Variants in PSD3 observed in about 807,000 individuals in gnomAD.
PSD3 encodes pleckstrin and Sec7 domain containing 3, also known as PH and SEC7 domain-containing protein 3.
In PSD3, 49 loss-of-function variants were observed where a neutral mutation model predicts 105.5. The observed-to-expected ratio is 0.46, with a 90% CI of 0.37 to 0.59. PSD3 has a LOEUF of 0.59. Among genes scored for constraint, PSD3 ranks in the 20% least tolerant of loss-of-function variants. The pLI is 0.00. For missense variants in PSD3, 1,561 were observed against 1,263.8 expected, an observed-to-expected ratio of 1.24 and a Z score of -3.57; for synonymous variants, 557 against 457.8, an observed-to-expected ratio of 1.22 and a Z score of -2.77.
chr8:18,871,580 A>ATATG, intron 3 of PSD3, 46 bp downstream of exon 3: 1 of 1,536,108 alleles, frequency 6.5e-7, no homozygotes, highest in Non-Finnish European at 8.7e-7. Context: ...GTTTTCTATG[A>ATATG]TATGTACCAG....
chr8:18,843,731 G>C (rs6586776), intron 4 of PSD3, among the ~76,000 whole-genome samples: 1,619 of 152,184 alleles, frequency 0.011, 31 homozygotes, highest in African/African-American at 0.036. Flanking sequence ...CAAAAGCATG[G>C]TAAAATAGAG....
At chr8:18,891,543 T>C (rs1818783087) in intron 2 of PSD3, among the ~76,000 whole-genome samples, 1 of 152,190 alleles carries the variant, frequency 6.6e-6, no homozygotes, top group African/African-American at 2.4e-5. Context: ...AGCAGTGATC[T>C]GAACATCACT....
chr8:19,008,610 G>A (rs1252386085), intron 1 of PSD3, among the ~76,000 whole-genome samples: 2 of 152,176 alleles, frequency 1.3e-5, no homozygotes, highest in African/African-American at 4.8e-5. Context: ...CATATACAGA[G>A]AAAAGCAGTT....
chr8:19,001,205 C>A (rs1826365512), intron 1 of PSD3, among the ~76,000 whole-genome samples: 1 of 151,702 alleles, frequency 6.6e-6, no homozygotes, highest in South Asian at 2.1e-4. Context: ...AGCAATCCTC[C>A]CTCCTCAGTC....
chr8:18,756,085 C>T (rs1806022833), intron 9 of PSD3, among the ~76,000 whole-genome samples: 1 of 152,160 alleles, frequency 6.6e-6, no homozygotes, highest in Non-Finnish European at 1.5e-5. Flanking sequence ...TAGCTTTTCT[C>T]TTAAAAGGCT....
chr8:18,655,052 G>T (rs1808788100), intron 10 of PSD3, among the ~76,000 whole-genome samples: 1 of 152,022 alleles, frequency 6.6e-6, no homozygotes, highest in Non-Finnish European at 1.5e-5. Context: ...GGCCGGGCGT[G>T]GTCGCTCACT....
chr8:18,828,320 T>C (rs1030864256), intron 4 of PSD3, among the ~76,000 whole-genome samples: 12 of 151,972 alleles, frequency 7.9e-5, no homozygotes, highest in African/African-American at 2.9e-4. Context: ...TGCTGGTTCT[T>C]CCATTGAAGG....
At chr8:18,989,883 C>T (rs1472197760) in intron 1 of PSD3, among the ~76,000 whole-genome samples, 1 of 152,130 alleles carries the variant, frequency 6.6e-6, no homozygotes, top group East Asian at 1.9e-4. Context: ...ATCTAAGAAG[C>T]TTATAGTCTA....
At chr8:18,635,788 A>C (rs1807205079) in intron 10 of PSD3, among the ~76,000 whole-genome samples, 1 of 152,118 alleles carries the variant, frequency 6.6e-6, no homozygotes, top group Non-Finnish European at 1.5e-5. Flanking sequence ...ACACGAATAG[A>C]AAACCAAACA....
intron 2 of PSD3, among the ~76,000 whole-genome samples, chr8:18,903,771 T>A (rs1270271462): frequency 6.6e-6 from 1 of 152,094 alleles, no homozygotes; most frequent in Non-Finnish European, 1.5e-5. Flanking sequence ...TGCTTCAGCT[T>A]AGGTACTAGG....
At chr8:18,671,624 G>A (rs536457001) in intron 9 of PSD3, among the ~76,000 whole-genome samples, 1 of 150,216 alleles carries the variant, frequency 6.7e-6, no homozygotes, top group South Asian at 2.1e-4. Flanking sequence ...TCCTGATTTT[G>A]TTTTTTTGTT....
Position 19,059,661 on chromosome 8 carries a change from G to A in PSD3, c.324+24545C>T, listed in dbSNP as rs367613039. Among the ~76,000 whole-genome samples, 20 of 152,320 alleles carry A rather than the reference G, an allele frequency of 1.3e-4. No individual in the cohort carries two copies. The South Asian group carries it at 2.7e-3, about 21-fold the overall frequency. On this transcript the variant is annotated intron_variant, in intron 1 of 1. Transcript: ENST00000521475. ...GTCAAGAAATTTAAAAAATTTCTACGTCTGTAAAGCACTGAGTTGAGACCT... is the reference window on the plus strand; with the variant it reads ...GTCAAGAAATTTAAAAAATTTCTACATCTGTAAAGCACTGAGTTGAGACCT...
Position 18,632,754 on chromosome 8 carries a change from T to A in PSD3, c.2269A>T (p.Asn757Tyr). Residue 757 changes from asparagine (N) to tyrosine (Y), a missense_variant, in exon 11 of 16, where the codon AAC becomes TAC. Physicochemically the swap from Asn to Tyr is moderately radical, Grantham distance 143. Transcript: ENST00000327040. Reference sequence around the variant, plus strand: ...CTGATGGTCTTTGGATGTGTTCCGTTAGCTTTCTCCTCAGTACTTTCTGAG... The same window carrying A: ...CTGATGGTCTTTGGATGTGTTCCGTAAGCTTTCTCCTCAGTACTTTCTGAG... Reference protein sequence around the residue: ...SPSESTEEKANGTHPKTISRI... With the variant: ...SPSESTEEKAYGTHPKTISRI... 1 of 1,606,412 alleles carries A rather than the reference T, an allele frequency of 6.2e-7. No homozygotes were observed. The highest frequency in any genetic ancestry group is 8.5e-7 in the Non-Finnish European group (1 of 1,173,652).
intron 11 of PSD3, among the ~76,000 whole-genome samples, chr8:18,629,690 C>G (rs373839250): frequency 6.6e-6 from 1 of 151,866 alleles, no homozygotes; most frequent in African/African-American, 2.4e-5. Flanking sequence ...CTGTCATAAC[C>G]GTCATAGGAT....
intron 2 of PSD3, among the ~76,000 whole-genome samples, chr8:18,873,669 T>G (rs1817538338): frequency 6.6e-6 from 1 of 152,154 alleles, no homozygotes; most frequent in African/African-American, 2.4e-5. Context: ...ACAACAGACC[T>G]CCTGAATTTA....
intron 1 of PSD3, among the ~76,000 whole-genome samples, chr8:19,029,108 T>C (rs1827668355): frequency 6.6e-6 from 1 of 152,190 alleles, no homozygotes; most frequent in Admixed American, 6.5e-5. Context: ...ATTCTAAATT[T>C]GTTCTCCAGT....
chr8:18,899,997 A>AC (rs1396949714), intron 2 of PSD3, among the ~76,000 whole-genome samples: 5 of 151,070 alleles, frequency 3.3e-5, no homozygotes, highest in Non-Finnish European at 5.9e-5. Context: ...GAAAGGGGGC[A>AC]CTTTTTTTCT....
chr8:18,773,507 G>A (rs541111174), intron 8 of PSD3, among the ~76,000 whole-genome samples: 1 of 152,004 alleles, frequency 6.6e-6, no homozygotes, highest in East Asian at 1.9e-4. Context: ...TCCATCTCTG[G>A]GATAAATGTT....
intron 9 of PSD3, among the ~76,000 whole-genome samples, chr8:18,725,538 C>G (rs901006273): frequency 6.6e-6 from 1 of 152,288 alleles, no homozygotes; most frequent in African/African-American, 2.4e-5. Flanking sequence ...TATCACCCTC[C>G]CACCTCATGT....
Sources: gnomAD v4.1 joint callset for allele counts (sites outside exome capture counted in the v4.1 genomes callset) on GRCh38, gnomAD v4.1.1 for gene constraint, MANE v1.5 for transcripts, NCBI Gene and HGNC (gene_info 2026-07-23, HGNC 2026-07-21) for gene names.